Variants in ANO5 observed in about 807,000 individuals in gnomAD.
ANO5 encodes the protein anoctamin 5, also known as anoctamin-5.
ANO5 carries 109 observed loss-of-function variants against 121.0 expected under a neutral mutation model. That is an observed-to-expected ratio of 0.90 (90% CI 0.77 to 1.06). The LOEUF (loss-of-function observed/expected upper bound fraction) is 1.06, where lower values mean the gene tolerates loss of function less well. ANO5 is among the 50% of genes least tolerant of loss of function. The pLI is 0.00. For missense variants in ANO5, 1,064 were observed against 1,078.5 expected, an observed-to-expected ratio of 0.99 and a Z score of 0.19; for synonymous variants, 406 against 359.9, an observed-to-expected ratio of 1.13 and a Z score of -1.45.
In ANO5 at chr11:22,214,707, T is replaced by C. The variant is rs554826836; in HGVS notation, c.138+3393T>C. Among the ~76,000 whole-genome samples the C allele has an allele frequency of 4.6e-5, 7 of 152,050 alleles. No individual in the cohort carries two copies. In the East Asian group the frequency reaches 1.2e-3, roughly 25 times the overall value. ...GGAAAACACTATCTATTCTTTCCAA[T>C]CATTCGTGAGAAGCAAGAGGTCAAG... On this transcript the variant is annotated intron_variant, in intron 3 of 21. Transcript: ENST00000324559.
At chr11:22,257,795 G>T in intron 14 of ANO5, 41 bp downstream of exon 14, 2 of 1,498,882 alleles carry the variant, frequency 1.3e-6, no homozygotes, top group African/African-American at 1.4e-5. Context: ...TCTTCAACAG[G>T]TGATTAAATG....
intron 2 of ANO5, among the ~76,000 whole-genome samples, chr11:22,206,279 G>T (rs1005956520): frequency 6.6e-6 from 1 of 152,040 alleles, no homozygotes; most frequent in Non-Finnish European, 1.5e-5. Context: ...AACATGGCCA[G>T]GTAGGGTTTA....
At chr11:22,265,584 G>A (rs2133759139) in intron 17 of ANO5, among the ~76,000 whole-genome samples, 1 of 152,116 alleles carries the variant, frequency 6.6e-6, no homozygotes, top group African/African-American at 2.4e-5. Context: ...ATTTGTGTGG[G>A]GAGAACTACA....
chr11:22,202,485 CTTTAT>C lies in ANO5; in HGVS notation c.41-1312_41-1308del, dbSNP rs953766400. Among the ~76,000 whole-genome samples the C allele has an allele frequency of 1.2e-3, 186 of 151,940 alleles. 1 individual carries two copies. Among genetic ancestry groups the C allele is most frequent in the African/African-American group, 4.4e-3 (183 of 41,448 alleles). ...AATTTTTTTTTGACTTATACAATTG[CTTTAT>C]TTTATTATTTTTTACTTATAAGAAC... is the stretch of plus-strand genomic sequence containing the variant. On this transcript the variant is annotated intron_variant, in intron 1 of 21. Coordinates refer to ENST00000324559, the MANE Select transcript of ANO5 (RefSeq NM_213599.3).
intron 17 of ANO5, among the ~76,000 whole-genome samples, chr11:22,265,839 T>G (rs1319834270): frequency 6.6e-6 from 1 of 152,122 alleles, no homozygotes; most frequent in African/African-American, 2.4e-5. Flanking sequence ...TTTTAAGGCT[T>G]ACTACAAACT....
At chr11:22,264,689 G>A (rs1854304769) in intron 17 of ANO5, among the ~76,000 whole-genome samples, 1 of 152,060 alleles carries the variant, frequency 6.6e-6, no homozygotes, top group South Asian at 2.1e-4. Flanking sequence ...ACAACATAAG[G>A]AAAGGTGATA....
In ANO5 at chr11:22,279,931, G is replaced by T. The variant is rs145219772; in HGVS notation, c.*166G>T. ...ATACACTTTTATAGAGGCCAACTTT[G>T]TGATGTTGGAAATGTACTACTTCTC... On this transcript the variant is annotated 3_prime_UTR_variant, in exon 22 of 22. Transcript: ENST00000324559. 763 of 620,122 alleles carry T rather than the reference G, an allele frequency of 1.2e-3. 5 individuals carry two copies. In the African/African-American group the frequency reaches 0.014, roughly 11 times the overall value. The allele number at this position is 620,122 out of a possible 1,614,324, so 38.4% of individuals were successfully genotyped here.
chr11:22,196,634 G>A (rs986498457), intron 1 of ANO5, among the ~76,000 whole-genome samples: 1 of 152,070 alleles, frequency 6.6e-6, no homozygotes, highest in Non-Finnish European at 1.5e-5. Context: ...ACTCTGGGAG[G>A]CCGAGGCAGG....
intron 1 of ANO5, among the ~76,000 whole-genome samples, chr11:22,196,911 T>C (rs893836148): frequency 9.9e-5 from 15 of 152,102 alleles, no homozygotes; most frequent in Non-Finnish European, 1.5e-4. Context: ...AACGACACTG[T>C]TATGAAAACA....
chr11:22,278,808 C>T (rs1320325509), intron 21 of ANO5, among the ~76,000 whole-genome samples: 1 of 151,434 alleles, frequency 6.6e-6, no homozygotes, highest in Non-Finnish European at 1.5e-5. Context: ...TTGTGGCTAC[C>T]TATTTTCTAA....
Position 22,246,045 on chromosome 11 carries a change from C to T in ANO5, c.879-4192C>T, listed in dbSNP as rs116194467. Among the ~76,000 whole-genome samples the T allele has an allele frequency of 9.0e-3, 1,370 of 152,202 alleles. 20 individuals carry two copies. The highest frequency in any genetic ancestry group is 0.031 in the African/African-American group (1,294 of 41,526). ...TGGGCACCCATCTTCCCTTGCCCTG[C>T]GCAGCCTATTTCTTTCATTTCTACG... On this transcript the variant is annotated intron_variant, in intron 9 of 21. Coordinates refer to ENST00000324559, the MANE Select transcript of ANO5 (RefSeq NM_213599.3).
intron 17 of ANO5, among the ~76,000 whole-genome samples, chr11:22,263,723 G>C (rs900036418): frequency 1.3e-5 from 2 of 152,148 alleles, no homozygotes; most frequent in African/African-American, 4.8e-5. Flanking sequence ...CTGTGTCAGG[G>C]TTTGGCATGC....
intron 17 of ANO5, among the ~76,000 whole-genome samples, chr11:22,265,483 G>T (rs547737975): frequency 6.5e-4 from 99 of 152,208 alleles, no homozygotes; most frequent in African/African-American, 2.0e-3. Context: ...ATCACAAAGT[G>T]AAAGTACAGG....
intron 12 of ANO5, among the ~76,000 whole-genome samples, chr11:22,253,762 C>T (rs1459266769): frequency 6.6e-6 from 1 of 152,066 alleles, no homozygotes; most frequent in Admixed American, 6.6e-5. Flanking sequence ...AGTCTACTTT[C>T]GTAGAAGTGC....
At chr11:22,231,142 T>C (rs1467790822) in intron 7 of ANO5, among the ~76,000 whole-genome samples, 2 of 151,994 alleles carry the variant, frequency 1.3e-5, no homozygotes, top group African/African-American at 4.8e-5. Flanking sequence ...ATTTTGAAAA[T>C]TAAATAATTA....
chr11:22,242,570 C>T (rs1853468454), intron 9 of ANO5, among the ~76,000 whole-genome samples: 1 of 151,972 alleles, frequency 6.6e-6, no homozygotes, highest in Admixed American at 6.6e-5. Flanking sequence ...TGATTTCTTT[C>T]ATCAGTGTTT....
intron 8 of ANO5, among the ~76,000 whole-genome samples, chr11:22,238,937 G>T (rs932082601): frequency 4.6e-5 from 7 of 152,056 alleles, no homozygotes; most frequent in African/African-American, 1.7e-4. Flanking sequence ...TTTGTCTGCA[G>T]TAAAAACAGA....
intron 2 of ANO5, among the ~76,000 whole-genome samples, chr11:22,210,618 T>C (rs1415215237): frequency 6.6e-6 from 1 of 151,946 alleles, no homozygotes; most frequent in African/African-American, 2.4e-5. Context: ...CAGGTCTGTG[T>C]CCTGTGGTGT....
chr11:22,230,213 A>C (rs2065953961), intron 7 of ANO5, among the ~76,000 whole-genome samples: 1 of 151,984 alleles, frequency 6.6e-6, no homozygotes, highest in Non-Finnish European at 1.5e-5. Context: ...TTACACTATC[A>C]ATATGAGATT....
Sources: allele counts gnomAD v4.1 joint callset (sites outside exome capture counted in the v4.1 genomes callset), GRCh38; gene constraint gnomAD v4.1.1; transcripts MANE v1.5; gene names NCBI Gene and HGNC (gene_info 2026-07-23, HGNC 2026-07-21).